Variants in IQGAP2 observed in about 807,000 individuals in gnomAD.
The protein encoded by IQGAP2 is IQ motif containing GTPase activating protein 2, also known as ras GTPase-activating-like protein IQGAP2.
In IQGAP2, 173 loss-of-function variants were observed where a neutral mutation model predicts 201.3. That is an observed-to-expected ratio of 0.86 (90% CI 0.76 to 0.98). The LOEUF (loss-of-function observed/expected upper bound fraction) is 0.98, where lower values mean the gene tolerates loss of function less well. Ranked by LOEUF, IQGAP2 falls within the 50% of genes least tolerant of loss-of-function variation. The pLI, the probability that IQGAP2 is intolerant of heterozygous loss-of-function variation, is 0.00. For synonymous variants in IQGAP2, 675 were observed against 673.9 expected, an observed-to-expected ratio of 1.00 and a Z score of -0.03; for missense variants, 1,687 against 1,864.8, an observed-to-expected ratio of 0.90 and a Z score of 1.76.
At chr5:76,415,975 G>A (rs146830481) in intron 1 of IQGAP2, among the ~76,000 whole-genome samples, 64 of 151,792 alleles carry the variant, frequency 4.2e-4, no homozygotes, top group African/African-American at 1.5e-3. Context: ...AAGAAAGTGT[G>A]TAGGAAGCAG....
At chr5:76,483,610 A>T (rs4074256) in intron 2 of IQGAP2, among the ~76,000 whole-genome samples, 2 of 152,210 alleles carry the variant, frequency 1.3e-5, no homozygotes, top group East Asian at 1.9e-4. Flanking sequence ...CGAGTCAAGC[A>T]CATAAAAGGC....
chr5:76,439,696 G>A (rs922024246), intron 1 of IQGAP2, among the ~76,000 whole-genome samples: 7 of 151,640 alleles, frequency 4.6e-5, no homozygotes, highest in African/African-American at 9.7e-5. Context: ...TTCCATTTGC[G>A]TGGAATACCT....
rs745316555 is a variant in IQGAP2 at position 76,590,600 on chromosome 5, G to A, written c.819+14G>A. On this transcript the variant is annotated intron_variant, in intron 8 of 35. Coordinates refer to ENST00000274364, the MANE Select transcript of IQGAP2 (RefSeq NM_006633.5). ...GCAAGACTGAAGGTGCTTAGATTCT[G>A]AGTAATAAAAACAGTAATGAATGTG... 6.3e-7 allele frequency: 1 copy of A among 1,587,036 alleles called. No homozygotes were observed. Among genetic ancestry groups the A allele is most frequent in the East Asian group, 2.2e-5 (1 of 44,616 alleles).
chr5:76,492,999 A>G (rs1453091136), intron 2 of IQGAP2, among the ~76,000 whole-genome samples: 1 of 152,146 alleles, frequency 6.6e-6, no homozygotes, highest in Non-Finnish European at 1.5e-5. Context: ...CGTGGATTGC[A>G]GATCTGGGCT....
chr5:76,481,362 A>G (rs1300235571), intron 2 of IQGAP2, among the ~76,000 whole-genome samples: 1 of 152,154 alleles, frequency 6.6e-6, no homozygotes, highest in Non-Finnish European at 1.5e-5. Context: ...CGTCATTTTA[A>G]TACATAATCA....
In IQGAP2 at chr5:76,461,658, G is replaced by C; in HGVS notation, c.135G>C (p.Glu45Asp). 1 of 1,612,184 alleles carries C rather than the reference G, an allele frequency of 6.2e-7. No individual in the cohort carries two copies. Among genetic ancestry groups the C allele is most frequent in the South Asian group, 1.1e-5 (1 of 91,048 alleles). Reference sequence around the variant, plus strand: ...CTTATGAATATCTGTGCCACTTAGAGGAAGCCAAAAGGTAAGATCCAGACT... The same window carrying C: ...CTTATGAATATCTGTGCCACTTAGACGAAGCCAAAAGGTAAGATCCAGACT... Reference protein sequence around the residue: ...NIAYEYLCHLEEAKRWMEVCL... With the variant: ...NIAYEYLCHLDEAKRWMEVCL... The change falls in exon 2 of 36, where the codon GAG (glutamate) becomes GAC (aspartate). Residue 45 changes from glutamate (E) to aspartate (D), a missense_variant. Coordinates refer to ENST00000274364, the MANE Select transcript of IQGAP2 (RefSeq NM_006633.5).
At chr5:76,589,970 A>G (rs1278498876) in intron 7 of IQGAP2, among the ~76,000 whole-genome samples, 1 of 152,224 alleles carries the variant, frequency 6.6e-6, no homozygotes. Context: ...TTCATTGTCC[A>G]TAGTTCTCTA....
At chr5:76,428,304 G>A (rs529551113) in intron 1 of IQGAP2, among the ~76,000 whole-genome samples, 1 of 152,238 alleles carries the variant, frequency 6.6e-6, no homozygotes, top group Non-Finnish European at 1.5e-5. Context: ...TACCTGGGAA[G>A]GGAGAAGGAG....
chr5:76,436,803 C>T (rs1271773506), intron 1 of IQGAP2, among the ~76,000 whole-genome samples: 1 of 151,340 alleles, frequency 6.6e-6, no homozygotes, highest in Non-Finnish European at 1.5e-5. Flanking sequence ...GTTGGGATTA[C>T]AGGCATGAGC....
At chr5:76,646,957 T>A (rs898697904) in intron 17 of IQGAP2, among the ~76,000 whole-genome samples, 7 of 152,210 alleles carry the variant, frequency 4.6e-5, no homozygotes, top group African/African-American at 1.4e-4. Flanking sequence ...GTCACCAGGA[T>A]GAACTCTTAG....
chr5:76,454,858 G>A (rs1043649430), intron 1 of IQGAP2, among the ~76,000 whole-genome samples: 2 of 152,104 alleles, frequency 1.3e-5, no homozygotes, highest in Admixed American at 6.5e-5. Flanking sequence ...GATCCCTGAG[G>A]AATCACCACA....
intron 16 of IQGAP2, among the ~76,000 whole-genome samples, chr5:76,638,703 A>T (rs900866805): frequency 6.6e-6 from 1 of 152,206 alleles, no homozygotes; most frequent in Non-Finnish European, 1.5e-5. Context: ...GAATGAGAGG[A>T]GCACTTTGAC....
intron 1 of IQGAP2, among the ~76,000 whole-genome samples, chr5:76,426,469 C>T (rs1752004301): frequency 6.6e-6 from 1 of 152,224 alleles, no homozygotes; most frequent in South Asian, 2.1e-4. Context: ...GAGGATGCCA[C>T]AGCATTCCAG....
At chr5:76,499,454 G>T (rs1757157842) in intron 2 of IQGAP2, among the ~76,000 whole-genome samples, 1 of 152,130 alleles carries the variant, frequency 6.6e-6, no homozygotes, top group Non-Finnish European at 1.5e-5. Flanking sequence ...CCCTTAAAGG[G>T]GAGAGATACC....
intron 12 of IQGAP2, chr5:76,609,205 C>A (rs2150336638): frequency 1.3e-6 from 2 of 1,535,900 alleles, no homozygotes; most frequent in East Asian, 2.4e-5. Flanking sequence ...TCTGTTAAGA[C>A]CATTTTTGGA....
intron 2 of IQGAP2, among the ~76,000 whole-genome samples, chr5:76,525,491 C>T (rs1386833856): frequency 1.3e-5 from 2 of 150,814 alleles, no homozygotes; most frequent in Non-Finnish European, 3.0e-5. Flanking sequence ...TGTGTAGGGA[C>T]CCATTTTAAG....
intron 2 of IQGAP2, among the ~76,000 whole-genome samples, chr5:76,464,205 T>G (rs1366649341): frequency 6.6e-6 from 1 of 152,200 alleles, no homozygotes; most frequent in Non-Finnish European, 1.5e-5. Context: ...ATATAAAAAT[T>G]TGTGGCTACT....
At chr5:76,649,573 G>C (rs1002935167) in intron 17 of IQGAP2, among the ~76,000 whole-genome samples, 16 of 152,164 alleles carry the variant, frequency 1.1e-4, no homozygotes, top group African/African-American at 3.6e-4. Flanking sequence ...TGCTGTTGTG[G>C]CTCTGAATGA....
intron 12 of IQGAP2, among the ~76,000 whole-genome samples, chr5:76,610,050 T>TTCTCTC (rs71604297): frequency 0.014 from 265 of 19,020 alleles, 17 homozygotes; most frequent in Middle Eastern, 0.077. Flanking sequence ...TGTTCTCTCT[T>TTCTCTC]TCTCTCTCTC....
Sources: gnomAD v4.1 joint callset for allele counts (sites outside exome capture counted in the v4.1 genomes callset) on GRCh38, gnomAD v4.1.1 for gene constraint, MANE v1.5 for transcripts, NCBI Gene and HGNC (gene_info 2026-07-23, HGNC 2026-07-21) for gene names.